PRUNE2: variants seen among roughly 807,000 people sequenced by gnomAD.
PRUNE2 encodes prune homolog 2 with BCH domain.
A neutral mutation model predicts 252.0 loss-of-function variants in PRUNE2; 164 were observed. The observed-to-expected ratio is 0.65, with a 90% CI of 0.57 to 0.74. The LOEUF is 0.74. PRUNE2 is among the 30% of genes least tolerant of loss of function. PRUNE2 has a pLI of 0.00. For synonymous variants in PRUNE2, 1,292 were observed against 1,350.2 expected, an observed-to-expected ratio of 0.96 and a Z score of 0.94; for missense variants, 3,495 against 3,711.0, an observed-to-expected ratio of 0.94 and a Z score of 1.51.
At chr9:76,878,281 C>A (rs1239556571) in intron 1 of PRUNE2, among the ~76,000 whole-genome samples, 2 of 152,174 alleles carry the variant, frequency 1.3e-5, no homozygotes, top group Non-Finnish European at 2.9e-5. Flanking sequence ...ACTCTTAAAG[C>A]TCATGGACAT....
intron 11 of PRUNE2, among the ~76,000 whole-genome samples, chr9:76,647,963 AAAC>A (rs924549153): frequency 1.1e-4 from 17 of 152,260 alleles, no homozygotes; most frequent in Middle Eastern, 3.4e-3. Context: ...TGTGTCTCAA[AAAC>A]AACAACAACA....
intron 6 of PRUNE2, among the ~76,000 whole-genome samples, chr9:76,768,577 A>ATGTGTGTGTG (rs879821167): frequency 1.0e-4 from 10 of 98,188 alleles, no homozygotes; most frequent in African/African-American, 2.9e-4. Flanking sequence ...ATATATATGT[A>ATGTGTGTGTG]TATGTATGTG....
chr9:76,895,207 G>A (rs2062745418), intron 1 of PRUNE2, among the ~76,000 whole-genome samples: 1 of 152,006 alleles, frequency 6.6e-6, no homozygotes, highest in Admixed American at 6.6e-5. Flanking sequence ...GGTCCCTCAC[G>A]GGCTTTTCTC....
intron 1 of PRUNE2, among the ~76,000 whole-genome samples, chr9:76,876,019 G>A (rs553882479): frequency 7.6e-4 from 115 of 152,278 alleles, no homozygotes; most frequent in African/African-American, 1.6e-3. Context: ...AATGCAATAC[G>A]CACAAACATT....
intron 4 of PRUNE2, among the ~76,000 whole-genome samples, chr9:76,840,227 AAGT>A (rs2059305699): frequency 6.6e-6 from 1 of 152,228 alleles, no homozygotes; most frequent in Admixed American, 6.5e-5. Context: ...AGGAGCTAAC[AAGT>A]AAGATGAAGG....
Position 76,888,867 on chromosome 9 carries a change from G to A in PRUNE2, c.36+17061C>T, listed in dbSNP as rs990935606. Among the ~76,000 whole-genome samples, 7 of 151,948 alleles carry A rather than the reference G, an allele frequency of 4.6e-5. No homozygotes were observed. In the South Asian group the frequency reaches 1.5e-3, roughly 32 times the overall value. ...TGTTGTTGTTGTTGTTTTTGAGACG[G>A]AGTCGCGCTCTGTCACACAGGCTGA... is the stretch of plus-strand genomic sequence containing the variant. On this transcript the variant is annotated intron_variant, in intron 1 of 18. Coordinates refer to ENST00000376718, the MANE Select transcript of PRUNE2 (RefSeq NM_015225.3).
At chr9:76,822,074 G>C (rs2058065763) in intron 6 of PRUNE2, among the ~76,000 whole-genome samples, 1 of 152,180 alleles carries the variant, frequency 6.6e-6, no homozygotes, top group Non-Finnish European at 1.5e-5. Flanking sequence ...GATTCTTAGA[G>C]CTACTGACCC....
intron 3 of PRUNE2, among the ~76,000 whole-genome samples, chr9:76,849,661 A>T (rs2059849353): frequency 6.6e-6 from 1 of 152,046 alleles, no homozygotes; most frequent in Non-Finnish European, 1.5e-5. Flanking sequence ...CCCCATCTCT[A>T]CTAAAACTAC....
Position 76,706,884 on chromosome 9 carries a change from T to G in PRUNE2, c.5390A>C (p.Asp1797Ala), listed in dbSNP as rs769684582. 38 of 1,594,978 alleles carry G rather than the reference T, an allele frequency of 2.4e-5. No homozygotes were observed. The highest frequency in any genetic ancestry group is 3.1e-5 in the Non-Finnish European group (36 of 1,170,976). Residue 1797 changes from aspartate (D) to alanine (A), a missense_variant, in exon 8 of 19, where the codon GAT (aspartate) becomes GCT (alanine). By Grantham distance (126) the Asp-to-Ala change is moderately radical (BLOSUM62 -2). Coordinates refer to ENST00000376718, the MANE Select transcript of PRUNE2 (RefSeq NM_015225.3). ...RSSPETGTTG[D>A]VAWQISPKAS... ...TTTGGGAGATATTTGCCATGCAACA[T>G]CTCCTGTTGTCCCTGTTTCTGGAGA...
chr9:76,629,927 T>C (rs1836748389), intron 15 of PRUNE2, among the ~76,000 whole-genome samples: 2 of 152,230 alleles, frequency 1.3e-5, no homozygotes, highest in African/African-American at 4.8e-5. Context: ...AGGTAGACAC[T>C]ATTATTATCC....
chr9:76,698,103 G>C (rs2045557471), intron 9 of PRUNE2, among the ~76,000 whole-genome samples: 1 of 151,648 alleles, frequency 6.6e-6, no homozygotes, highest in Admixed American at 6.6e-5. Flanking sequence ...CTGGAATGAA[G>C]TGGTGTGATC....
chr9:76,728,422 C>T (rs774583633), intron 6 of PRUNE2, among the ~76,000 whole-genome samples: 1 of 151,952 alleles, frequency 6.6e-6, no homozygotes, highest in Non-Finnish European at 1.5e-5. Context: ...AAGGGTGAGG[C>T]CTGGGTATCA....
chr9:76,879,945 ACT>A (rs1014000172), intron 1 of PRUNE2, among the ~76,000 whole-genome samples: 5 of 105,876 alleles, frequency 4.7e-5, no homozygotes, highest in Non-Finnish European at 6.8e-5. Context: ...ACGGAGTCTC[ACT>A]CTGCCACCCA....
chr9:76,893,530 C>G (rs528518144), intron 1 of PRUNE2, among the ~76,000 whole-genome samples: 117 of 152,248 alleles, frequency 7.7e-4, no homozygotes, highest in African/African-American at 2.7e-3. Flanking sequence ...AACAAAGGGG[C>G]CAATTGTAAC....
chr9:76,652,286 GT>G, intron 11 of PRUNE2, 196 bp downstream of exon 11: 2 of 565,448 alleles, frequency 3.5e-6, no homozygotes, highest in South Asian at 4.6e-5. Flanking sequence ...AAGAGCAATG[GT>G]TATGTATGGC....
intron 6 of PRUNE2, among the ~76,000 whole-genome samples, chr9:76,813,425 G>A (rs770569263): frequency 6.6e-6 from 1 of 152,152 alleles, no homozygotes; most frequent in Non-Finnish European, 1.5e-5. Flanking sequence ...GAAAGTCATG[G>A]AGAAAAACTA....
At chr9:76,831,181 G>A (rs567844673) in intron 4 of PRUNE2, among the ~76,000 whole-genome samples, 7 of 151,932 alleles carry the variant, frequency 4.6e-5, no homozygotes, top group East Asian at 1.9e-4. Context: ...CGCCCACCTC[G>A]GCCTCCCAAA....
At chr9:76,695,168 T>C (rs1410466714) in intron 9 of PRUNE2, among the ~76,000 whole-genome samples, 1 of 152,174 alleles carries the variant, frequency 6.6e-6, no homozygotes, top group African/African-American at 2.4e-5. Flanking sequence ...CCCAAGTAGC[T>C]GGGATTACAG....
chr9:76,751,452 A>C (rs2050610172), intron 6 of PRUNE2, among the ~76,000 whole-genome samples: 1 of 152,242 alleles, frequency 6.6e-6, no homozygotes, highest in Non-Finnish European at 1.5e-5. Context: ...ATGAACAAAA[A>C]CACTTTCCAT....
Sources: allele counts gnomAD v4.1 joint callset (sites outside exome capture counted in the v4.1 genomes callset), GRCh38; gene constraint gnomAD v4.1.1; transcripts MANE v1.5; gene names NCBI Gene and HGNC (gene_info 2026-07-23, HGNC 2026-07-21).